EXOC4: variants seen among roughly 807,000 people sequenced by gnomAD.
EXOC4 encodes the protein exocyst complex component 4.
In EXOC4, 71 loss-of-function variants were observed where a neutral mutation model predicts 107.2. That is an observed-to-expected ratio of 0.66 (90% CI 0.55 to 0.81). The LOEUF (loss-of-function observed/expected upper bound fraction) is 0.81. EXOC4 is among the 30% of genes least tolerant of loss of function. The pLI, the probability that EXOC4 is intolerant of heterozygous loss-of-function variation, is 0.00. For missense variants in EXOC4, 1,108 were observed against 1,189.6 expected (o/e 0.93, Z 1.01); for synonymous variants, 456 against 441.2 (o/e 1.03, Z -0.42).
chr7:134,030,601 G>C (rs767868692), intron 17 of EXOC4, among the ~76,000 whole-genome samples: 1 of 152,032 alleles, frequency 6.6e-6, no homozygotes, highest in Admixed American at 6.5e-5. Context: ...CATTTATTTC[G>C]TACAGATTTA....
At chr7:133,975,745 G>A (rs1483261210) in intron 14 of EXOC4, among the ~76,000 whole-genome samples, 3 of 150,000 alleles carry the variant, frequency 2.0e-5, no homozygotes, top group Non-Finnish European at 3.0e-5. Flanking sequence ...AAATGCGTGT[G>A]CACACACACA....
chr7:133,825,184 TA>T (rs80191281), intron 11 of EXOC4, among the ~76,000 whole-genome samples: 521 of 134,934 alleles, frequency 3.9e-3, no homozygotes, highest in Middle Eastern at 7.3e-3. Flanking sequence ...CAACTGTCTC[TA>T]AAAAAAAAAA....
intron 5 of EXOC4, among the ~76,000 whole-genome samples, chr7:133,349,128 A>T (rs914421084): frequency 1.9e-3 from 24 of 12,502 alleles, no homozygotes; most frequent in Non-Finnish European, 5.4e-4. Context: ...TCAGATTTAA[A>T]TGTTTTTTTT....
intron 4 of EXOC4, among the ~76,000 whole-genome samples, chr7:133,312,446 G>C (rs1794896172): frequency 6.6e-6 from 1 of 152,176 alleles, no homozygotes; most frequent in South Asian, 2.1e-4. Context: ...ATGGAAATGT[G>C]AGGTGGGGAA....
intron 10 of EXOC4, among the ~76,000 whole-genome samples, chr7:133,701,188 C>T (rs1246697383): frequency 6.6e-6 from 1 of 152,088 alleles, no homozygotes; most frequent in Non-Finnish European, 1.5e-5. Flanking sequence ...AGTAAAATGT[C>T]CTAGACTTGA....
chr7:133,256,294 T>C (rs1157885775), intron 1 of EXOC4, among the ~76,000 whole-genome samples: 48 of 152,250 alleles, frequency 3.2e-4, no homozygotes, highest in Admixed American at 3.0e-3. Context: ...ATTCATTTTT[T>C]CTTAATTCCT....
intron 10 of EXOC4, among the ~76,000 whole-genome samples, chr7:133,644,620 C>G (rs936016828): frequency 6.6e-6 from 1 of 152,136 alleles, no homozygotes; most frequent in Admixed American, 6.5e-5. Flanking sequence ...TGGACAGTTT[C>G]TTGTTTAAAG....
intron 10 of EXOC4, among the ~76,000 whole-genome samples, chr7:133,804,180 A>G (rs1222548105): frequency 6.6e-6 from 1 of 152,202 alleles, no homozygotes; most frequent in Non-Finnish European, 1.5e-5. Context: ...AATTGTAGAT[A>G]CTGTTCAGGC....
chr7:133,526,263 C>A (rs1255383652), intron 9 of EXOC4, among the ~76,000 whole-genome samples: 1 of 152,118 alleles, frequency 6.6e-6, no homozygotes, highest in African/African-American at 2.4e-5. Context: ...TTTCAGAAAT[C>A]CCTAGTCTTT....
chr7:133,787,955 T>TTTTTTATATATATA (rs774395151), intron 10 of EXOC4, among the ~76,000 whole-genome samples: 1 of 31,646 alleles, frequency 3.2e-5, no homozygotes, highest in East Asian at 2.0e-3. Flanking sequence ...GTGCATATAT[T>TTTTTTATATATATA]TATATATTTA....
rs1216236470 is a variant in EXOC4, at chr7:133,699,136, T to G, written c.1514+68995T>G. Among the ~76,000 whole-genome samples the G allele has an allele frequency of 2.0e-5, 3 of 152,304 alleles. No homozygotes were observed. The East Asian group carries it at 5.8e-4, about 29-fold the overall frequency. On this transcript the variant is annotated intron_variant, in intron 10 of 17. Transcript: ENST00000253861. The stretch of plus-strand genomic sequence containing the variant: ...ATCTTAAGAGAGGGATATATTTAAT[T>G]TAGAGTGTTTAAAATGCATGTTCTT...
intron 7 of EXOC4, among the ~76,000 whole-genome samples, chr7:133,394,149 A>G (rs1796918739): frequency 6.6e-6 from 1 of 152,226 alleles, no homozygotes; most frequent in Admixed American, 6.5e-5. Flanking sequence ...TATATAGCCA[A>G]TGCTCGTGCA....
At chr7:133,625,728 A>G (rs1408673800) in intron 9 of EXOC4, among the ~76,000 whole-genome samples, 5 of 152,186 alleles carry the variant, frequency 3.3e-5, no homozygotes, top group African/African-American at 4.8e-5. Flanking sequence ...CAGCGTGTCA[A>G]ATCATCGTCC....
At chr7:133,868,379 C>T (rs2116380406) in intron 11 of EXOC4, among the ~76,000 whole-genome samples, 1 of 152,276 alleles carries the variant, frequency 6.6e-6, no homozygotes, top group South Asian at 2.1e-4. Flanking sequence ...TTTTGGCATC[C>T]AGTATATGTG....
intron 7 of EXOC4, among the ~76,000 whole-genome samples, chr7:133,424,909 A>G (rs1584906670): frequency 6.6e-6 from 1 of 152,338 alleles, no homozygotes; most frequent in South Asian, 2.1e-4. Flanking sequence ...GCCTGTATAA[A>G]CTAGGTTGGC....
chr7:134,083,322 G>C, the EXOC4 span, among the ~76,000 whole-genome samples: 94 of 152,288 alleles, frequency 6.2e-4, no homozygotes, highest in Non-Finnish European at 1.0e-3. Context: ...TCTACCTCTA[G>C]TCCCTTGCTC....
chr7:134,078,460 C>T, the EXOC4 span, among the ~76,000 whole-genome samples: 1 of 152,114 alleles, frequency 6.6e-6, no homozygotes, highest in Non-Finnish European at 1.5e-5. Context: ...TCTCACTGGA[C>T]CAGCCCCTTT....
At chr7:133,717,079 T>TA (rs1160704088) in intron 10 of EXOC4, among the ~76,000 whole-genome samples, 1 of 152,170 alleles carries the variant, frequency 6.6e-6, no homozygotes, top group Non-Finnish European at 1.5e-5. Flanking sequence ...TTACATTTTT[T>TA]AAAAAAATTG....
chr7:133,710,084 T>A (rs1349754567), intron 10 of EXOC4, among the ~76,000 whole-genome samples: 1 of 152,156 alleles, frequency 6.6e-6, no homozygotes, highest in Non-Finnish European at 1.5e-5. Context: ...TAAAATAACT[T>A]ATGAGTTTAA....
Sources: allele counts gnomAD v4.1 joint callset (sites outside exome capture counted in the v4.1 genomes callset), GRCh38; gene constraint gnomAD v4.1.1; transcripts MANE v1.5; gene names NCBI Gene and HGNC (gene_info 2026-07-23, HGNC 2026-07-21).